JMJD1C: variants seen among roughly 807,000 people sequenced by gnomAD.
JMJD1C encodes jumonji domain-containing protein 1C.
Under a neutral mutation model 245.3 loss-of-function variants are expected in JMJD1C, and 31 were observed. The observed-to-expected ratio is 0.13, with a 90% CI of 0.09 to 0.17. The LOEUF is 0.17. Ranked by LOEUF, JMJD1C falls within the 10% of genes least tolerant of loss-of-function variation. JMJD1C has a pLI of 1.00. For missense variants in JMJD1C, 2,691 were observed against 3,000.2 expected (o/e 0.90, Z 2.41); for synonymous variants, 1,057 against 1,017.4 (o/e 1.04, Z -0.74).
At chr10:63,497,276 C>T (rs1378093126) in intron 1 of JMJD1C, among the ~76,000 whole-genome samples, 10 of 151,936 alleles carry the variant, frequency 6.6e-5, no homozygotes. Flanking sequence ...TGGAAACAAC[C>T]CAAATATCCA....
chr10:63,276,781 G>A (rs545758694), intron 2 of JMJD1C, among the ~76,000 whole-genome samples: 4 of 151,514 alleles, frequency 2.6e-5, no homozygotes, highest in Non-Finnish European at 4.4e-5. Context: ...TTTTAATTAC[G>A]TATGTAATTA....
intron 3 of JMJD1C, among the ~76,000 whole-genome samples, chr10:63,248,529 G>GATAAATAA (rs373943626): frequency 0.024 from 3,318 of 136,982 alleles, 80 homozygotes; most frequent in East Asian, 0.059. Context: ...TCAATAGATA[G>GATAAATAA]ATAAATAAAT....
At chr10:63,270,073 C>CA (rs1270001186) in intron 2 of JMJD1C, among the ~76,000 whole-genome samples, 1 of 152,098 alleles carries the variant, frequency 6.6e-6, no homozygotes, top group Non-Finnish European at 1.5e-5. Flanking sequence ...AAAATTAATA[C>CA]ACCTATGTTA....
At chr10:63,265,409 A>T (rs2133789863) in intron 2 of JMJD1C, among the ~76,000 whole-genome samples, 1 of 152,178 alleles carries the variant, frequency 6.6e-6, no homozygotes, top group Non-Finnish European at 1.5e-5. Flanking sequence ...TACTTCTTTT[A>T]AAAAAAGTCA....
At chr10:63,280,962 CTTTTTT>C (rs200324748) in intron 2 of JMJD1C, among the ~76,000 whole-genome samples, 7 of 143,792 alleles carry the variant, frequency 4.9e-5, no homozygotes, top group African/African-American at 1.5e-4. Context: ...ACCTCTTTTT[CTTTTTT>C]TTTTTTTGAG....
At chr10:63,303,924 C>T (rs967610203) in intron 2 of JMJD1C, among the ~76,000 whole-genome samples, 6 of 152,064 alleles carry the variant, frequency 3.9e-5, no homozygotes, top group African/African-American at 1.2e-4. Flanking sequence ...AAGAGTTTTT[C>T]TGATAACAAT....
chr10:63,246,847 G>A (rs916036554), intron 3 of JMJD1C, among the ~76,000 whole-genome samples: 1 of 151,600 alleles, frequency 6.6e-6, no homozygotes, highest in Non-Finnish European at 1.5e-5. Flanking sequence ...CCTGAACAAC[G>A]AATAGGTCAA....
chr10:63,215,836 T>C (rs1847919468), intron 5 of JMJD1C, 140 bp from the exon 6 acceptor site: 1 of 557,256 alleles, frequency 1.8e-6, no homozygotes, highest in East Asian at 3.0e-5. Flanking sequence ...TAATAATTTG[T>C]TTTATTCACT....
At position 63,217,338 on chromosome 10, in the gene JMJD1C, A is replaced by G; in HGVS notation, c.554-7T>C. 1 of 1,559,192 alleles carries G rather than the reference A, an allele frequency of 6.4e-7. No individual in the cohort carries two copies. The highest frequency in any genetic ancestry group is 8.6e-7 in the Non-Finnish European group (1 of 1,156,910). On this transcript the variant is annotated splice_region_variant and splice_polypyrimidine_tract_variant and intron_variant, in intron 4 of 25. Transcript: ENST00000399262. The stretch of plus-strand genomic sequence containing the variant: ...CCATTTAAGGAATAAGGACCTTAAA[A>G]AAAACACAAGAAACAGAAACATCTT...
chr10:63,341,774 A>G (rs1435474224), intron 2 of JMJD1C, among the ~76,000 whole-genome samples: 1 of 152,254 alleles, frequency 6.6e-6, no homozygotes, highest in African/African-American at 2.4e-5. Context: ...CCATGCGACC[A>G]GGGTATCTTT....
At chr10:63,392,290 C>T (rs1241111719) in intron 1 of JMJD1C, among the ~76,000 whole-genome samples, 1 of 152,098 alleles carries the variant, frequency 6.6e-6, no homozygotes, top group East Asian at 1.9e-4. Context: ...AGGGAGAACA[C>T]TTTAGGACAC....
At chr10:63,322,491 G>T (rs1489935134) in intron 2 of JMJD1C, among the ~76,000 whole-genome samples, 2 of 152,070 alleles carry the variant, frequency 1.3e-5, no homozygotes, top group Non-Finnish European at 2.9e-5. Flanking sequence ...ATAGAATAGG[G>T]TTTAACTTTT....
intron 1 of JMJD1C, among the ~76,000 whole-genome samples, chr10:63,423,120 A>C (rs1158557732): frequency 6.6e-6 from 1 of 152,010 alleles, no homozygotes; most frequent in Non-Finnish European, 1.5e-5. Context: ...ATGTGCCACC[A>C]CACCCAGCTA....
chr10:63,347,808 G>A (rs535847137), intron 2 of JMJD1C, among the ~76,000 whole-genome samples: 8 of 152,014 alleles, frequency 5.3e-5, no homozygotes, highest in South Asian at 2.1e-4. Context: ...CAGCTACTCC[G>A]GCGGCGGAGG....
At chr10:63,426,940 T>C (rs1950475914) in intron 1 of JMJD1C, among the ~76,000 whole-genome samples, 1 of 152,230 alleles carries the variant, frequency 6.6e-6, no homozygotes, top group Non-Finnish European at 1.5e-5. Flanking sequence ...TAAAACTAAC[T>C]AATCAGATGT....
At chr10:63,316,568 C>T (rs534672910) in intron 2 of JMJD1C, among the ~76,000 whole-genome samples, 2 of 152,278 alleles carry the variant, frequency 1.3e-5, no homozygotes, top group African/African-American at 4.8e-5. Flanking sequence ...CTGCCTCAGC[C>T]TCCCAAGTAG....
intron 1 of JMJD1C, among the ~76,000 whole-genome samples, chr10:63,405,131 T>G (rs1443125192): frequency 6.6e-6 from 1 of 152,198 alleles, no homozygotes; most frequent in Non-Finnish European, 1.5e-5. Context: ...AACACATGTA[T>G]GTACATTCTC....
chr10:63,371,533 G>T (rs912275107), intron 2 of JMJD1C, among the ~76,000 whole-genome samples: 2 of 151,942 alleles, frequency 1.3e-5, no homozygotes. Flanking sequence ...TTAATCTGCA[G>T]CTCCCACCAC....
intron 1 of JMJD1C, among the ~76,000 whole-genome samples, chr10:63,444,873 T>C (rs1278238113): frequency 6.6e-6 from 1 of 152,160 alleles, no homozygotes; most frequent in African/African-American, 2.4e-5. Flanking sequence ...TAAAAGTCCA[T>C]TTAATGGAGC....
Sources: allele counts gnomAD v4.1 joint callset (sites outside exome capture counted in the v4.1 genomes callset), GRCh38; gene constraint gnomAD v4.1.1; transcripts MANE v1.5; gene names NCBI Gene and HGNC (gene_info 2026-07-23, HGNC 2026-07-21).